The following PMS1 variants were observed in gnomAD, a reference collection of about 807,000 sequenced individuals.
PMS1 encodes PMS1 homolog 1, mismatch repair system component.
A neutral mutation model predicts 93.1 loss-of-function variants in PMS1; 79 were observed. The observed-to-expected ratio is 0.85, with a 90% confidence interval of 0.71 to 1.02. PMS1 has a LOEUF of 1.02. PMS1 is among the 50% of genes least tolerant of loss of function. PMS1 has a pLI of 0.00. For missense variants in PMS1, 1,064 were observed against 1,085.3 expected, an observed-to-expected ratio of 0.98 and a Z score of 0.28; for synonymous variants, 335 against 363.4, an observed-to-expected ratio of 0.92 and a Z score of 0.89.
intron 5 of PMS1, among the ~76,000 whole-genome samples, chr2:189,822,533 G>T (rs1471194516): frequency 6.6e-6 from 1 of 152,120 alleles, no homozygotes; most frequent in Non-Finnish European, 1.5e-5. Flanking sequence ...AGTATATGAA[G>T]AAATCTGGGG....
At chr2:189,839,345 A>G (rs1201769890) in intron 5 of PMS1, among the ~76,000 whole-genome samples, 1 of 152,182 alleles carries the variant, frequency 6.6e-6, no homozygotes, top group African/African-American at 2.4e-5. Context: ...TCACTAAGTC[A>G]TTCTTGCCAA....
chr2:189,854,978 G>A lies in PMS1; in HGVS notation c.1706G>A (p.Arg569Gln), dbSNP rs138610933. ...KVTAYDLLSN[R>Q]VIKKPMSASA... is the part of the protein sequence containing the mutation. Reference sequence around the variant, plus strand: ...ACAGCTTATGATTTACTTAGCAATCGAGTAATCAAGAAACCCATGTCAGCA... The same window carrying A: ...ACAGCTTATGATTTACTTAGCAATCAAGTAATCAAGAAACCCATGTCAGCA... The change falls in exon 9 of 13, where the codon CGA becomes CAA. Residue 569 changes from arginine to glutamine, a missense_variant. Coordinates refer to ENST00000441310, the MANE Select transcript of PMS1 (RefSeq NM_000534.5). The A allele has an allele frequency of 1.9e-4, 310 of 1,613,040 alleles. No individual in the cohort carries two copies. The Middle Eastern group carries it at 2.6e-3, about 14-fold the overall frequency.
chr2:189,853,215 A>G (rs1196521347), intron 7 of PMS1, among the ~76,000 whole-genome samples: 1 of 151,840 alleles, frequency 6.6e-6, no homozygotes, highest in Non-Finnish European at 1.5e-5. Flanking sequence ...CACTATGCCC[A>G]GCTAATTTTT....
Position 189,867,878 on chromosome 2 carries a change from C to T in PMS1, c.2422C>T (p.Leu808=), listed in dbSNP as rs759191350. Reference sequence around the variant, plus strand: ...CCAAAGATACAGTGGATCAACTTACCTGTCTGATCCTCGTCTTACAGCGAA... The same window carrying T: ...CCAAAGATACAGTGGATCAACTTACTTGTCTGATCCTCGTCTTACAGCGAA... ...DDQRYSGSTY[L]SDPRLTANGF... The change falls in exon 11 of 13, where the codon CTG becomes TTG. Residue 808 remains leucine (L), a synonymous_variant. Coordinates refer to ENST00000441310, the MANE Select transcript of PMS1 (RefSeq NM_000534.5). 1 of 1,597,946 alleles carries T rather than the reference C, an allele frequency of 6.3e-7. No individual in the cohort carries two copies. Among genetic ancestry groups the T allele is most frequent in the South Asian group, 1.1e-5 (1 of 90,750 alleles).
chr2:189,821,514 TATA>T (rs1007108035), intron 5 of PMS1, among the ~76,000 whole-genome samples: 3 of 140,274 alleles, frequency 2.1e-5, no homozygotes, highest in Admixed American at 7.2e-5. Flanking sequence ...AGTTAGAAAA[TATA>T]ATAAGTGAAG....
intron 6 of PMS1, among the ~76,000 whole-genome samples, chr2:189,844,986 T>A (rs114584750): frequency 0.01 from 1,543 of 151,978 alleles, 25 homozygotes; most frequent in African/African-American, 0.035. Flanking sequence ...GCCTCCCTAG[T>A]AGCTAGAATT....
At chr2:189,792,909 A>G (rs1450396056) in intron 2 of PMS1, among the ~76,000 whole-genome samples, 1 of 151,794 alleles carries the variant, frequency 6.6e-6, no homozygotes, top group Non-Finnish European at 1.5e-5. Context: ...TCCCCGGTTC[A>G]TGCAATTCTC....
intron 1 of PMS1, 135 bp downstream of exon 1, chr2:189,784,728 C>T (rs1044426221): frequency 6.6e-6 from 1 of 152,630 alleles, no homozygotes. Flanking sequence ...GAAGCGAAGC[C>T]GGGCTTGCGG....
intron 4 of PMS1, among the ~76,000 whole-genome samples, chr2:189,811,031 C>T (rs553261846): frequency 6.1e-5 from 9 of 148,502 alleles, no homozygotes; most frequent in African/African-American, 2.0e-4. Flanking sequence ...ATGGTCAAAA[C>T]TGGTAAGAAG....
intron 5 of PMS1, among the ~76,000 whole-genome samples, chr2:189,826,065 A>T (rs2052400933): frequency 6.6e-6 from 1 of 152,188 alleles, no homozygotes; most frequent in South Asian, 2.1e-4. Flanking sequence ...TATAATATAT[A>T]TCCCCTGCAC....
At chr2:189,849,671 T>C (rs2106437101) in intron 6 of PMS1, among the ~76,000 whole-genome samples, 1 of 152,142 alleles carries the variant, frequency 6.6e-6, no homozygotes, top group East Asian at 1.9e-4. Flanking sequence ...TTCCCATAGT[T>C]TGGCAGATAA....
chr2:189,870,453 C>T (rs1176157260), intron 11 of PMS1, among the ~76,000 whole-genome samples: 1 of 152,140 alleles, frequency 6.6e-6, no homozygotes, highest in East Asian at 1.9e-4. Context: ...GATGTATTTT[C>T]CCTGAAAATT....
intron 11 of PMS1, among the ~76,000 whole-genome samples, chr2:189,870,100 T>A (rs1231940974): frequency 6.6e-6 from 1 of 152,220 alleles, no homozygotes; most frequent in Non-Finnish European, 1.5e-5. Context: ...TCAGCATTAT[T>A]TCCCTTGTCA....
At chr2:189,857,501 TA>T (rs1372626103) in intron 9 of PMS1, 1 of 468,784 alleles carries the variant, frequency 2.1e-6, no homozygotes, top group East Asian at 7.0e-5. Flanking sequence ...CTAAATTCTC[TA>T]AGGTATATTA....
At chr2:189,871,446 A>G (rs2057139269) in intron 11 of PMS1, among the ~76,000 whole-genome samples, 1 of 152,242 alleles carries the variant, frequency 6.6e-6, no homozygotes, top group South Asian at 2.1e-4. Context: ...GCCCTGCGGC[A>G]TGGATACAGT....
chr2:189,847,272 G>A (rs933330969), intron 6 of PMS1, among the ~76,000 whole-genome samples: 1 of 152,028 alleles, frequency 6.6e-6, no homozygotes, highest in Non-Finnish European at 1.5e-5. Flanking sequence ...TTTTGAATCT[G>A]AAGGGTCATT....
chr2:189,876,582 A>G (rs1167891130), intron 12 of PMS1, among the ~76,000 whole-genome samples: 1 of 151,904 alleles, frequency 6.6e-6, no homozygotes, highest in Non-Finnish European at 1.5e-5. Context: ...TTCTTTGCCC[A>G]TGATCTTTCC....
chr2:189,875,213 A>T (rs1279240665), intron 12 of PMS1, among the ~76,000 whole-genome samples: 3 of 150,190 alleles, frequency 2.0e-5, no homozygotes, highest in African/African-American at 7.4e-5. Flanking sequence ...CTAGAAGACT[A>T]TCAGATATGG....
chr2:189,852,510 A>C, intron 6 of PMS1, 145 bp from the exon 7 acceptor site: 1 of 705,816 alleles, frequency 1.4e-6, no homozygotes, highest in African/African-American at 1.8e-5. Flanking sequence ...AATACTTAAG[A>C]CATGATTATC....
Sources: gnomAD v4.1 joint callset for allele counts (sites outside exome capture counted in the v4.1 genomes callset) on GRCh38, gnomAD v4.1.1 for gene constraint, MANE v1.5 for transcripts, NCBI Gene and HGNC (gene_info 2026-07-23, HGNC 2026-07-21) for gene names.